The following KLHL24 variants were observed in gnomAD, a reference collection of about 807,000 sequenced individuals.
KLHL24 encodes kelch-like protein 24.
A neutral mutation model predicts 53.4 loss-of-function variants in KLHL24; 29 were observed. The observed-to-expected ratio is 0.54, with a 90% confidence interval of 0.40 to 0.74. The LOEUF is 0.74. KLHL24 is among the 30% of genes least tolerant of loss of function. The pLI is 0.00. For synonymous variants in KLHL24, 222 were observed against 253.7 expected, an observed-to-expected ratio of 0.88 and a Z score of 1.19; for missense variants, 504 against 744.0, an observed-to-expected ratio of 0.68 and a Z score of 3.75.
At chr3:183,637,711 G>A (rs1041802378) in intron 1 of KLHL24, among the ~76,000 whole-genome samples, 2 of 152,100 alleles carry the variant, frequency 1.3e-5, no homozygotes, top group Admixed American at 1.3e-4. Flanking sequence ...GTCTCACTCC[G>A]TCACCCAGGC....
intron 7 of KLHL24, among the ~76,000 whole-genome samples, chr3:183,678,879 A>G (rs937439789): frequency 2.0e-5 from 3 of 152,170 alleles, no homozygotes; most frequent in African/African-American, 7.2e-5. Flanking sequence ...CTACTGACAT[A>G]GCATCTATCT....
chr3:183,662,224 T>C (rs1719903650), intron 3 of KLHL24, among the ~76,000 whole-genome samples: 1 of 152,176 alleles, frequency 6.6e-6, no homozygotes, highest in South Asian at 2.1e-4. Flanking sequence ...ACGGAAAAAG[T>C]ATGCCTGGCA....
intron 5 of KLHL24, among the ~76,000 whole-genome samples, chr3:183,667,798 C>G (rs780778886): frequency 6.6e-6 from 1 of 152,016 alleles, no homozygotes; most frequent in Non-Finnish European, 1.5e-5. Flanking sequence ...CTCACTGCAG[C>G]CTGGACATCC....
chr3:183,674,299 C>CT (rs1293123233), intron 7 of KLHL24, among the ~76,000 whole-genome samples: 1 of 145,104 alleles, frequency 6.9e-6, no homozygotes, highest in Non-Finnish European at 1.5e-5. Context: ...TTCTTTCTTT[C>CT]TTTCCTTTCT....
Position 183,680,360 on chromosome 3 carries a change from T to C in KLHL24, c.*1074T>C, listed in dbSNP as rs915477738. ...GCCCAGTAGAGTTTGACCTCATTAG[T>C]ATGGTGCTTTGGGTGAGGACCTCTT... On this transcript the variant is annotated 3_prime_UTR_variant, in exon 8 of 8. Transcript: ENST00000242810. 2 of 152,192 alleles carry C rather than the reference T, an allele frequency of 1.3e-5. No individual in the cohort carries two copies. The highest frequency in any genetic ancestry group is 2.9e-5 in the Non-Finnish European group (2 of 68,060). The allele number at this position is 152,192 out of a possible 1,614,324, so 9.4% of individuals were successfully genotyped here.
chr3:183,679,258 G>T lies in KLHL24; in HGVS notation c.1775G>T (p.Arg592Ile). 1 of 1,613,944 alleles carries T rather than the reference G, an allele frequency of 6.2e-7. No individual in the cohort carries two copies. Among genetic ancestry groups the T allele is most frequent in the Non-Finnish European group, 8.5e-7 (1 of 1,179,890 alleles). The change falls in exon 8 of 8, where the codon AGA (arginine) becomes ATA (isoleucine). Residue 592 changes from arginine to isoleucine, a missense_variant. Transcript: ENST00000242810. Reference sequence around the variant, plus strand: ...TATCATGGCTGTGTGACTATTCATAGATACAATGAGAAATGCTTTAAACTC... The same window carrying T: ...TATCATGGCTGTGTGACTATTCATATATACAATGAGAAATGCTTTAAACTC... ...VSYHGCVTIH[R>I]YNEKCFKL
chr3:183,669,476 C>T (rs939226954), intron 5 of KLHL24, among the ~76,000 whole-genome samples: 6 of 152,332 alleles, frequency 3.9e-5, no homozygotes, highest in South Asian at 4.1e-4. Flanking sequence ...CATCGTGCCA[C>T]AGGTTCCATA....
rs1435844503 is a variant in KLHL24 at position 183,671,119 on chromosome 3, T to C, written c.1310T>C (p.Val437Ala). ...TCCTTTTCAAATCGATGGACTGAAG[T>C]TGCTCCCCTTAAGGAAGCCGTGAGT... is the stretch of plus-strand genomic sequence containing the variant. ...YDSFSNRWTE[V>A]APLKEAVSSP... The change falls in exon 6 of 8, where the codon GTT becomes GCT. Residue 437 changes from valine (V) to alanine (A), a missense_variant. Physicochemically the swap from Val to Ala is moderately conservative, Grantham distance 64 (BLOSUM62 0). Coordinates refer to ENST00000242810, the MANE Select transcript of KLHL24 (RefSeq NM_017644.3). 1 of 1,614,072 alleles carries C rather than the reference T, an allele frequency of 6.2e-7. No individual in the cohort carries two copies. The highest frequency in any genetic ancestry group is 1.7e-5 in the Admixed American group (1 of 60,022).
At chr3:183,677,759 A>G (rs1238747428) in intron 7 of KLHL24, among the ~76,000 whole-genome samples, 1 of 152,102 alleles carries the variant, frequency 6.6e-6, no homozygotes, top group Non-Finnish European at 1.5e-5. Flanking sequence ...GTAATAGTGA[A>G]TCAGTTGTTA....
intron 7 of KLHL24, among the ~76,000 whole-genome samples, chr3:183,677,730 G>T (rs1033993717): frequency 6.6e-6 from 1 of 152,148 alleles, no homozygotes; most frequent in African/African-American, 2.4e-5. Flanking sequence ...TATCTGGCCT[G>T]CAGTATAACC....
chr3:183,673,516 T>C lies in KLHL24; in HGVS notation c.1602+1032T>C, dbSNP rs191491897. Reference sequence around the variant, plus strand: ...TGGTTAGAGGCTGGGAAATCTGTTATTTCTGTTGTAAAGGAAATGGCTGTG... The same window carrying C: ...TGGTTAGAGGCTGGGAAATCTGTTACTTCTGTTGTAAAGGAAATGGCTGTG... On this transcript the variant is annotated intron_variant, in intron 7 of 7. Coordinates refer to ENST00000242810, the MANE Select transcript of KLHL24 (RefSeq NM_017644.3). 9.8e-5 allele frequency among the ~76,000 whole-genome samples: 15 copies of C among 152,316 alleles called. No individual in the cohort carries two copies. In the East Asian group the frequency reaches 2.5e-3, roughly 25 times the overall value.
chr3:183,643,300 A>G (rs569613242), intron 1 of KLHL24, 180 bp from the exon 2 acceptor site: 200 of 152,370 alleles, frequency 1.3e-3, no homozygotes, highest in African/African-American at 4.7e-3. Context: ...GTAAAATAGC[A>G]TTAAGTTATT....
chr3:183,647,057 C>G (rs1184205678), intron 2 of KLHL24, among the ~76,000 whole-genome samples: 5 of 150,906 alleles, frequency 3.3e-5, no homozygotes, highest in Admixed American at 3.3e-4. Flanking sequence ...GTGATCCACC[C>G]GCCTCGGTCT....
Position 183,670,368 on chromosome 3 carries a change from C to T in KLHL24, c.1225-666C>T, listed in dbSNP as rs114540364. Reference sequence around the variant, plus strand: ...AAACCATGGATTTTTTGCATATAAGCCATTTAATAAATATCTTACTGATTG... The same window carrying T: ...AAACCATGGATTTTTTGCATATAAGTCATTTAATAAATATCTTACTGATTG... On this transcript the variant is annotated intron_variant, in intron 5 of 7. Transcript: ENST00000242810. Among the ~76,000 whole-genome samples the T allele has an allele frequency of 8.1e-3, 1,233 of 152,208 alleles. 11 individuals are homozygous for T. Among genetic ancestry groups the T allele is most frequent in the African/African-American group, 0.028 (1,182 of 41,520 alleles).
At position 183,683,565 on chromosome 3, in the gene KLHL24, G is replaced by A. The variant is rs1230269902; in HGVS notation, c.*4279G>A. The stretch of plus-strand genomic sequence containing the variant: ...GCACCAGAAACCATTTGAGCCAGGA[G>A]TGTGAATGAATAATTCCAGAGACAC... On this transcript the variant is annotated 3_prime_UTR_variant, in exon 8 of 8. Coordinates refer to ENST00000242810, the MANE Select transcript of KLHL24 (RefSeq NM_017644.3). 1 of 152,610 alleles carries A rather than the reference G, an allele frequency of 6.6e-6. No homozygotes were observed. The highest frequency in any genetic ancestry group is 1.5e-5 in the Non-Finnish European group (1 of 68,030). The allele number at this position is 152,610 out of a possible 1,614,324, so 9.5% of individuals were successfully genotyped here.
In KLHL24 at chr3:183,679,130, G is replaced by T. The variant is rs1380179287; in HGVS notation, c.1647G>T (p.Leu549=). Residue 549 remains leucine, a synonymous_variant, in exon 8 of 8, where the codon CTG becomes CTT. Transcript: ENST00000242810. The stretch of plus-strand genomic sequence containing the variant: ...TGTGTAATGGTAAAATATATATCCT[G>T]GGCGGAAGACGGGAAAATGGAGAAG... ...MSVCNGKIYI[L]GGRRENGEAT... is the part of the protein sequence containing the mutation. The T allele has an allele frequency of 1.9e-6, 3 of 1,613,864 alleles. No homozygotes were observed. In the East Asian group the frequency reaches 6.7e-5, roughly 36 times the overall value.
At chr3:183,647,451 G>A (rs368408298) in intron 2 of KLHL24, among the ~76,000 whole-genome samples, 27 of 152,026 alleles carry the variant, frequency 1.8e-4, no homozygotes, top group Middle Eastern at 3.4e-3. Context: ...AAAGGATTAC[G>A]CCTGTAATCC....
At chr3:183,644,697 C>A (rs1355164393) in intron 2 of KLHL24, among the ~76,000 whole-genome samples, 9 of 152,090 alleles carry the variant, frequency 5.9e-5, no homozygotes, top group Admixed American at 4.6e-4. Flanking sequence ...AAAAGACAGA[C>A]CCTTAATTGA....
Position 183,663,363 on chromosome 3 carries a change from C to A in KLHL24, c.921-95C>A. 1.8e-6 allele frequency: 1 copy of A among 565,564 alleles called. No homozygotes were observed. Among genetic ancestry groups the A allele is most frequent in the Non-Finnish European group, 2.8e-6 (1 of 355,932 alleles). 35.0% of individuals were successfully genotyped at this position (565,564 alleles called of 1,614,324 possible). A position where few individuals can be genotyped will look rare whatever the true frequency, so the allele number is the denominator to read the frequency against. On this transcript the variant is annotated intron_variant, in intron 3 of 7. Coordinates refer to ENST00000242810, the MANE Select transcript of KLHL24 (RefSeq NM_017644.3). This position sits in a 1 kb window ranked among gnomAD's most constrained non-coding sequence, Gnocchi z 4.9. Reference sequence around the variant, plus strand: ...AGAAACTTAACTGTTTATAATAGTGCGTGGTTTGTTTTTAGAGTTTTAAGA... The same window carrying A: ...AGAAACTTAACTGTTTATAATAGTGAGTGGTTTGTTTTTAGAGTTTTAAGA...
Sources: gnomAD v4.1 joint callset for allele counts (sites outside exome capture counted in the v4.1 genomes callset) on GRCh38, gnomAD v4.1.1 for gene constraint, Gnocchi (gnomAD v3.1) non-coding constraint, MANE v1.5 for transcripts, NCBI Gene and HGNC (gene_info 2026-07-23, HGNC 2026-07-21) for gene names.